The following GRID2 variants were observed in gnomAD, a reference collection of about 807,000 sequenced individuals.
The protein encoded by GRID2 is glutamate ionotropic receptor delta type subunit 2.
In GRID2, 33 loss-of-function variants were observed where a neutral mutation model predicts 114.8. That is an observed-to-expected ratio of 0.29 (90% CI 0.22 to 0.38). GRID2 has a LOEUF of 0.38. Ranked by LOEUF, GRID2 falls within the 10% of genes least tolerant of loss-of-function variation. GRID2 has a pLI of 1.00. For missense variants in GRID2, 1,184 were observed against 1,257.7 expected (o/e 0.94, Z 0.89); for synonymous variants, 505 against 449.9 (o/e 1.12, Z -1.55).
intron 13 of GRID2, among the ~76,000 whole-genome samples, chr4:93,626,037 A>C (rs1215616948): frequency 6.6e-6 from 1 of 152,244 alleles, no homozygotes; most frequent in Non-Finnish European, 1.5e-5. Flanking sequence ...GGATGTGTAG[A>C]GATTATATGC....
chr4:92,860,301 T>G (rs992597674), intron 2 of GRID2, among the ~76,000 whole-genome samples: 1 of 152,154 alleles, frequency 6.6e-6, no homozygotes, highest in African/African-American at 2.4e-5. Flanking sequence ...GCTTTCTTTT[T>G]GTTAACATCA....
At chr4:92,864,020 C>T (rs574445505) in intron 2 of GRID2, among the ~76,000 whole-genome samples, 30 of 152,248 alleles carry the variant, frequency 2.0e-4, no homozygotes, top group African/African-American at 5.3e-4. Flanking sequence ...AGAATAGACA[C>T]GCCTCAAGGT....
At chr4:93,428,618 G>A (rs1769092101) in intron 10 of GRID2, among the ~76,000 whole-genome samples, 1 of 152,048 alleles carries the variant, frequency 6.6e-6, no homozygotes, top group Admixed American at 6.6e-5. Flanking sequence ...CATTTCTATT[G>A]TACTTGAATT....
chr4:93,770,999 C>T (rs1435299089), intron 15 of GRID2, among the ~76,000 whole-genome samples: 1 of 152,024 alleles, frequency 6.6e-6, no homozygotes, highest in African/African-American at 2.4e-5. Context: ...CACTGAGGAA[C>T]ACTATAATAG....
At chr4:93,484,843 C>T (rs888770520) in intron 11 of GRID2, among the ~76,000 whole-genome samples, 8 of 151,890 alleles carry the variant, frequency 5.3e-5, no homozygotes, top group African/African-American at 1.9e-4. Flanking sequence ...AGTCTACTCT[C>T]AAAGTATGTT....
rs115997240 is a variant in GRID2 at position 92,846,246 on chromosome 4, G to A, written c.245-238749G>A. On this transcript the variant is annotated intron_variant, in intron 2 of 15. Transcript: ENST00000282020. Reference sequence around the variant, plus strand: ...ATATCGTGTGATGCTGAACTTTGGAGTACAGATGATCCCACCATCCTGGTA... The same window carrying A: ...ATATCGTGTGATGCTGAACTTTGGAATACAGATGATCCCACCATCCTGGTA... 6.1e-3 allele frequency among the ~76,000 whole-genome samples: 927 copies of A among 152,084 alleles called. 11 individuals are homozygous for A. The highest frequency in any genetic ancestry group is 0.021 in the African/African-American group (888 of 41,512).
At chr4:92,629,327 A>G (rs892931521) in intron 2 of GRID2, among the ~76,000 whole-genome samples, 1 of 152,108 alleles carries the variant, frequency 6.6e-6, no homozygotes, top group African/African-American at 2.4e-5. Flanking sequence ...AATAAATAGT[A>G]CCATGGTATC....
chr4:93,643,959 C>A (rs1347838027), intron 14 of GRID2, among the ~76,000 whole-genome samples: 5 of 102,210 alleles, frequency 4.9e-5, no homozygotes, highest in African/African-American at 1.1e-4. Flanking sequence ...GCTAGCAATC[C>A]GCGAGATTCC....
intron 2 of GRID2, among the ~76,000 whole-genome samples, chr4:92,988,213 G>T (rs1473155668): frequency 6.6e-6 from 1 of 152,082 alleles, no homozygotes; most frequent in African/African-American, 2.4e-5. Context: ...CCAGATATCA[G>T]TAAGGGCTTC....
chr4:92,396,723 C>G (rs1730508713), intron 1 of GRID2, among the ~76,000 whole-genome samples: 1 of 151,988 alleles, frequency 6.6e-6, no homozygotes, highest in African/African-American at 2.4e-5. Flanking sequence ...ATTTTAATCC[C>G]TTACTCTTTA....
chr4:92,369,307 C>T (rs1729011141), intron 1 of GRID2, among the ~76,000 whole-genome samples: 1 of 152,032 alleles, frequency 6.6e-6, no homozygotes, highest in Non-Finnish European at 1.5e-5. Context: ...ATGGTCCTAA[C>T]TTTAATAAAG....
At chr4:92,690,685 A>C (rs935913612) in intron 2 of GRID2, among the ~76,000 whole-genome samples, 1 of 152,182 alleles carries the variant, frequency 6.6e-6, no homozygotes, top group Admixed American at 6.5e-5. Flanking sequence ...ATAAAAATTC[A>C]GTGATCTATA....
intron 2 of GRID2, among the ~76,000 whole-genome samples, chr4:92,916,986 A>G (rs78973492): frequency 3.3e-5 from 5 of 152,100 alleles, no homozygotes; most frequent in Non-Finnish European, 5.9e-5. Context: ...CCAACAGTGT[A>G]AAAGTGTTCC....
chr4:92,724,389 T>C (rs1288688324), intron 2 of GRID2, among the ~76,000 whole-genome samples: 1 of 152,168 alleles, frequency 6.6e-6, no homozygotes, highest in Non-Finnish European at 1.5e-5. Flanking sequence ...TAGGTTAGCA[T>C]ACTGCAGCTC....
At chr4:93,288,115 C>A (rs1176902070) in intron 8 of GRID2, among the ~76,000 whole-genome samples, 1 of 152,064 alleles carries the variant, frequency 6.6e-6, no homozygotes, top group Non-Finnish European at 1.5e-5. Context: ...GATTTGCTGT[C>A]TTTTCAAATT....
At chr4:93,732,611 G>T (rs549637889) in intron 14 of GRID2, among the ~76,000 whole-genome samples, 15 of 152,062 alleles carry the variant, frequency 9.9e-5, no homozygotes, top group Non-Finnish European at 1.6e-4. Context: ...TCAACTCTTT[G>T]TGTGGTTAAA....
chr4:92,513,141 A>T (rs1474893784), intron 1 of GRID2, among the ~76,000 whole-genome samples: 1 of 151,870 alleles, frequency 6.6e-6, no homozygotes, highest in South Asian at 2.1e-4. Flanking sequence ...ATCATTGTTA[A>T]TTGCTGTGAT....
At chr4:93,587,337 A>T (rs1737645926) in intron 13 of GRID2, among the ~76,000 whole-genome samples, 1 of 152,112 alleles carries the variant, frequency 6.6e-6, no homozygotes, top group South Asian at 2.1e-4. Context: ...AAATCTAGCA[A>T]CGTATTTGAT....
intron 2 of GRID2, among the ~76,000 whole-genome samples, chr4:93,057,910 C>T (rs1727414821): frequency 6.6e-6 from 1 of 151,882 alleles, no homozygotes; most frequent in Non-Finnish European, 1.5e-5. Context: ...ATGATTTTTA[C>T]TCAATTCGTC....
Sources: allele counts gnomAD v4.1 joint callset (sites outside exome capture counted in the v4.1 genomes callset), GRCh38; gene constraint gnomAD v4.1.1; transcripts MANE v1.5; gene names NCBI Gene and HGNC (gene_info 2026-07-23, HGNC 2026-07-21).